Variants in SHLD2 observed in about 807,000 individuals in gnomAD.
SHLD2 encodes the protein RINN1-REV7-interacting novel NHEJ regulator 2.
A neutral mutation model predicts 73.2 loss-of-function variants in SHLD2; 30 were observed. That is an observed-to-expected ratio of 0.41 (90% CI 0.31 to 0.56). The LOEUF (loss-of-function observed/expected upper bound fraction) is 0.56. Among genes scored for constraint, SHLD2 ranks in the 20% least tolerant of loss-of-function variants. The pLI is 0.28. For missense variants in SHLD2, 745 were observed against 1,055.9 expected, an observed-to-expected ratio of 0.71 and a Z score of 4.08; for synonymous variants, 285 against 370.1, an observed-to-expected ratio of 0.77 and a Z score of 2.64.
chr10:87,162,993 C>T (rs1454729192), intron 4 of SHLD2, among the ~76,000 whole-genome samples: 1 of 152,126 alleles, frequency 6.6e-6, no homozygotes, highest in Non-Finnish European at 1.5e-5. Flanking sequence ...CCTGAAGCTA[C>T]ACCTCCAACA....
chr10:87,183,264 G>A (rs1333430565), intron 8 of SHLD2, among the ~76,000 whole-genome samples: 3 of 152,226 alleles, frequency 2.0e-5, no homozygotes, highest in Non-Finnish European at 4.4e-5. Flanking sequence ...ATTAAAACAA[G>A]TAACCTTGGG....
At chr10:87,098,779 T>C (rs1564573263) in intron 2 of SHLD2, among the ~76,000 whole-genome samples, 1 of 152,166 alleles carries the variant, frequency 6.6e-6, no homozygotes, top group Non-Finnish European at 1.5e-5. Flanking sequence ...AGGTTTTTTT[T>C]TATTTTTATT....
intron 2 of SHLD2, among the ~76,000 whole-genome samples, chr10:87,147,870 CTTTT>C (rs1187680597): frequency 1.4e-5 from 2 of 143,630 alleles, no homozygotes; most frequent in African/African-American, 2.5e-5. Flanking sequence ...GCTCCTATCA[CTTTT>C]TTTTTTTTTT....
At chr10:87,138,918 A>T (rs1844989693) in intron 2 of SHLD2, among the ~76,000 whole-genome samples, 1 of 152,176 alleles carries the variant, frequency 6.6e-6, no homozygotes, top group Admixed American at 6.6e-5. Context: ...AGCACAGAGT[A>T]GGGGAATCCA....
intron 3 of SHLD2, chr10:87,153,896 T>C (rs537126541): frequency 6.6e-6 from 1 of 152,188 alleles, no homozygotes; most frequent in Non-Finnish European, 1.5e-5. Flanking sequence ...CATTTTGTTT[T>C]TTTAATTTTT....
chr10:87,166,571 T>C (rs527599787), intron 4 of SHLD2, among the ~76,000 whole-genome samples: 6 of 152,332 alleles, frequency 3.9e-5, no homozygotes, highest in Non-Finnish European at 7.3e-5. Context: ...GTAAATTCAG[T>C]GCATGTTCAA....
chr10:87,113,151 C>T (rs1359011302), intron 2 of SHLD2, among the ~76,000 whole-genome samples: 1 of 152,000 alleles, frequency 6.6e-6, no homozygotes, highest in African/African-American at 2.4e-5. Context: ...ATGGAGAAAC[C>T]CCATCTCTAC....
At chr10:87,104,811 C>T (rs1842498877) in intron 2 of SHLD2, among the ~76,000 whole-genome samples, 2 of 151,898 alleles carry the variant, frequency 1.3e-5, no homozygotes, top group South Asian at 4.2e-4. Context: ...CAGGTGCCTG[C>T]CACCACGCCC....
intron 8 of SHLD2, among the ~76,000 whole-genome samples, chr10:87,184,064 A>G (rs551540343): frequency 6.6e-6 from 1 of 152,206 alleles, no homozygotes; most frequent in African/African-American, 2.4e-5. Flanking sequence ...ACATACCCAC[A>G]ATAGACTCTT....
intron 1 of SHLD2, among the ~76,000 whole-genome samples, chr10:87,095,593 C>T (rs2133887941): frequency 6.6e-6 from 1 of 152,328 alleles, no homozygotes; most frequent in East Asian, 1.9e-4. Context: ...CAGAGAGCGG[C>T]GTGGCACCCG....
In SHLD2 at chr10:87,191,190, A is replaced by G. The variant is rs1284560001; in HGVS notation, c.*507A>G. 1 of 162,370 alleles carries G rather than the reference A, an allele frequency of 6.2e-6. No homozygotes were observed. The highest frequency in any genetic ancestry group is 5.7e-5 in the Admixed American group (1 of 17,580). 10.1% of individuals were successfully genotyped at this position (162,370 alleles called of 1,614,324 possible). On this transcript the variant is annotated 3_prime_UTR_variant, in exon 10 of 10. Coordinates refer to ENST00000298786, the MANE Select transcript of SHLD2 (RefSeq NM_001330112.2). Reference sequence around the variant, plus strand: ...ACAAGCGTGTCTTTCTATAAAAAGTATTGAAAATGAAGGAAATGAGATCAT... The same window carrying G: ...ACAAGCGTGTCTTTCTATAAAAAGTGTTGAAAATGAAGGAAATGAGATCAT...
rs1846100133 is a variant in SHLD2, at chr10:87,152,683, T to C, written c.1329T>C (p.Asn443=). Residue 443 remains asparagine (N), a synonymous_variant, in exon 3 of 10, where the codon AAT becomes AAC. Transcript: ENST00000298786. ...GTGATTCTAAAAGCCAGAAGTATAATTGTTTAGTCATGGTGCTATCTCCAT... is the reference window on the plus strand; with the variant it reads ...GTGATTCTAAAAGCCAGAAGTATAACTGTTTAGTCATGGTGCTATCTCCAT... ...KNCDSKSQKY[N]CLVMVLSPCH... is the part of the protein sequence containing the mutation. 3 of 1,610,484 alleles carry C rather than the reference T, an allele frequency of 1.9e-6. No homozygotes were observed. Among genetic ancestry groups the C allele is most frequent in the South Asian group, 1.1e-5 (1 of 90,802 alleles).
At chr10:87,150,517 T>G (rs1466080337) in intron 2 of SHLD2, among the ~76,000 whole-genome samples, 1 of 151,694 alleles carries the variant, frequency 6.6e-6, no homozygotes, top group African/African-American at 2.4e-5. Context: ...TCCCAGCACT[T>G]TGACAAGCAG....
In SHLD2 at chr10:87,175,908, A is replaced by G. The variant is rs116730799; in HGVS notation, c.1983A>G (p.Lys661=). 2,056 of 1,550,266 alleles carry G rather than the reference A, an allele frequency of 1.3e-3. 18 individuals carry two copies. The African/African-American group carries it at 0.019, about 14-fold the overall frequency. The change falls in exon 7 of 10, where the codon AAA becomes AAG. Residue 661 remains lysine (K), a synonymous_variant. Coordinates refer to ENST00000298786, the MANE Select transcript of SHLD2 (RefSeq NM_001330112.2). ...TTTAAGGTTATATTTGGGAATTTAA[A>G]TATCTTTTTGTTCAGTGCAATTACA... is the stretch of plus-strand genomic sequence containing the variant. ...QRKKGYIWEF[K]YLFVQCNYTL... is the part of the protein sequence containing the mutation.
intron 4 of SHLD2, among the ~76,000 whole-genome samples, chr10:87,163,843 TC>T (rs1846994817): frequency 6.6e-6 from 1 of 151,632 alleles, no homozygotes; most frequent in South Asian, 2.1e-4. Context: ...CATAAACATC[TC>T]CTAGTTCTGT....
rs1849040846 is a variant in SHLD2 at position 87,191,157 on chromosome 10, A to G, written c.*474A>G. The G allele has an allele frequency of 1.2e-5, 2 of 163,660 alleles. No individual in the cohort carries two copies. Among genetic ancestry groups the G allele is most frequent in the Admixed American group, 1.1e-4 (2 of 17,748 alleles). The allele number at this position is 163,660 out of a possible 1,614,324, so 10.1% of individuals were successfully genotyped here. A position where few individuals can be genotyped will look rare whatever the true frequency, so the allele number is the denominator to read the frequency against. ...GTTTATATAAACCTATGTTTAGACA[A>G]GTTCAAGACAAGCGTGTCTTTCTAT... On this transcript the variant is annotated 3_prime_UTR_variant, in exon 10 of 10. Coordinates refer to ENST00000298786, the MANE Select transcript of SHLD2 (RefSeq NM_001330112.2).
rs552997091 is a variant in SHLD2, at chr10:87,112,678, T to C, written c.-6+15689T>C. Among the ~76,000 whole-genome samples, 7 of 147,400 alleles carry C rather than the reference T, an allele frequency of 4.7e-5. No individual in the cohort carries two copies. In the South Asian group the frequency reaches 1.5e-3, roughly 32 times the overall value. ...TAATAATAATAATAGAGATACCAATTCACACCCACTAGAATGACTATAATA... is the reference window on the plus strand; with the variant it reads ...TAATAATAATAATAGAGATACCAATCCACACCCACTAGAATGACTATAATA... On this transcript the variant is annotated intron_variant, in intron 2 of 9. Transcript: ENST00000298786.
intron 8 of SHLD2, among the ~76,000 whole-genome samples, 188 bp from the exon 9 acceptor site, chr10:87,186,897 T>G (rs1848653891): frequency 6.6e-6 from 1 of 152,056 alleles, no homozygotes; most frequent in Non-Finnish European, 1.5e-5. Context: ...ATTTATCATT[T>G]GAAGCTCTTG....
intron 2 of SHLD2, among the ~76,000 whole-genome samples, chr10:87,105,320 C>T (rs1348362613): frequency 6.6e-6 from 1 of 152,152 alleles, no homozygotes; most frequent in African/African-American, 2.4e-5. Flanking sequence ...AGTACCTTCT[C>T]CTTGACCATT....
Sources: allele counts gnomAD v4.1 joint callset (sites outside exome capture counted in the v4.1 genomes callset), GRCh38; gene constraint gnomAD v4.1.1; transcripts MANE v1.5; gene names NCBI Gene and HGNC (gene_info 2026-07-23, HGNC 2026-07-21).